ATRNL1: variants seen among roughly 807,000 people sequenced by gnomAD.
ATRNL1 encodes the protein attractin-like protein 1.
ATRNL1 carries 95 observed loss-of-function variants against 182.7 expected under a neutral mutation model. The ratio of observed to expected loss-of-function variants is 0.52; its 90% CI spans 0.44 to 0.62. The LOEUF (loss-of-function observed/expected upper bound fraction) is 0.62. Among genes scored for constraint, ATRNL1 ranks in the 20% least tolerant of loss-of-function variants. The pLI is 0.00. For synonymous variants in ATRNL1, 576 were observed against 568.3 expected, an observed-to-expected ratio of 1.01 and a Z score of -0.19; for missense variants, 1,471 against 1,679.5, an observed-to-expected ratio of 0.88 and a Z score of 2.17.
chr10:115,693,341 G>A (rs551806248), intron 26 of ATRNL1, among the ~76,000 whole-genome samples: 6 of 152,036 alleles, frequency 3.9e-5, no homozygotes, highest in African/African-American at 1.4e-4. Flanking sequence ...TTTCATGTAC[G>A]CAAATATTGG....
At chr10:115,899,130 T>TG in intron 28 of ATRNL1, among the ~76,000 whole-genome samples, 1 of 152,154 alleles carries the variant, frequency 6.6e-6, no homozygotes, top group South Asian at 2.1e-4. Flanking sequence ...CGACAGGCCC[T>TG]GGTGTGTGAT....
intron 13 of ATRNL1, among the ~76,000 whole-genome samples, chr10:115,272,282 C>T (rs72836589): frequency 0.026 from 4,002 of 152,208 alleles, 76 homozygotes; most frequent in Non-Finnish European, 0.04. Flanking sequence ...CTGAAAGACG[C>T]CATAAGGGAT....
At chr10:115,542,143 T>C (rs1554992204) in intron 25 of ATRNL1, among the ~76,000 whole-genome samples, 3 of 152,156 alleles carry the variant, frequency 2.0e-5, no homozygotes, top group African/African-American at 4.8e-5. Context: ...ATTTTCCTTA[T>C]TAGATATTAG....
intron 27 of ATRNL1, among the ~76,000 whole-genome samples, chr10:115,817,870 A>C (rs1290749757): frequency 9.5e-6 from 1 of 104,922 alleles, no homozygotes; most frequent in Non-Finnish European, 1.8e-5. Flanking sequence ...CTTTGATTTT[A>C]CGTTGTGTTT....
intron 24 of ATRNL1, among the ~76,000 whole-genome samples, chr10:115,510,852 C>G (rs964254252): frequency 1.3e-5 from 2 of 151,904 alleles, no homozygotes; most frequent in Non-Finnish European, 1.5e-5. Context: ...GAAATTTAAG[C>G]AAGGGAATTA....
At chr10:115,528,169 T>A (rs1851359413) in intron 25 of ATRNL1, among the ~76,000 whole-genome samples, 1 of 151,898 alleles carries the variant, frequency 6.6e-6, no homozygotes, top group Non-Finnish European at 1.5e-5. Flanking sequence ...GAATTGTTCC[T>A]TCCTTTTCAC....
At chr10:115,180,704 T>G (rs1300865931) in intron 8 of ATRNL1, among the ~76,000 whole-genome samples, 1 of 151,868 alleles carries the variant, frequency 6.6e-6, no homozygotes, top group Non-Finnish European at 1.5e-5. Flanking sequence ...TCAAGACACT[T>G]CAGAAAGTAT....
intron 27 of ATRNL1, among the ~76,000 whole-genome samples, chr10:115,737,077 C>G (rs1019101615): frequency 1.3e-5 from 2 of 152,026 alleles, no homozygotes; most frequent in African/African-American, 4.8e-5. Context: ...GCAGTTTTAT[C>G]TGGTTGCCTT....
At chr10:115,143,983 CTT>C (rs58145958) in intron 5 of ATRNL1, among the ~76,000 whole-genome samples, 54 of 139,436 alleles carry the variant, frequency 3.9e-4, no homozygotes, top group Admixed American at 5.0e-4. Flanking sequence ...TTTTTTGTTT[CTT>C]TTTTTTTTTT....
chr10:115,745,022 G>A (rs1948250046), intron 27 of ATRNL1, among the ~76,000 whole-genome samples: 1 of 152,040 alleles, frequency 6.6e-6, no homozygotes, highest in Non-Finnish European at 1.5e-5. Context: ...GATATACAAT[G>A]TGCTCATCAC....
intron 27 of ATRNL1, among the ~76,000 whole-genome samples, chr10:115,743,607 T>C (rs1948204150): frequency 1.3e-5 from 2 of 152,058 alleles, no homozygotes; most frequent in Admixed American, 1.3e-4. Flanking sequence ...CAAGTAGAAG[T>C]GAAAGGGAAA....
At chr10:115,816,636 ACACG>A (rs1203616576) in intron 27 of ATRNL1, among the ~76,000 whole-genome samples, 2 of 136,654 alleles carry the variant, frequency 1.5e-5, no homozygotes, top group African/African-American at 2.7e-5. Context: ...ACACACACAC[ACACG>A]TGAAGGAAGA....
intron 26 of ATRNL1, among the ~76,000 whole-genome samples, chr10:115,657,793 C>G (rs1175710103): frequency 6.6e-6 from 1 of 152,128 alleles, no homozygotes. Flanking sequence ...TTTAAACACT[C>G]TCCCTTTTCT....
chr10:115,219,086 T>TC (rs1410601327), intron 9 of ATRNL1, among the ~76,000 whole-genome samples: 1 of 151,744 alleles, frequency 6.6e-6, no homozygotes, highest in Non-Finnish European at 1.5e-5. Flanking sequence ...AATACAAAAA[T>TC]TAGCTGGGCA....
At chr10:115,468,072 A>T (rs1554971229) in intron 23 of ATRNL1, among the ~76,000 whole-genome samples, 1 of 150,748 alleles carries the variant, frequency 6.6e-6, no homozygotes, top group African/African-American at 2.4e-5. Context: ...GCTCTTTTGC[A>T]ATTCCCAAAT....
At chr10:115,341,317 G>T (rs1554938279) in intron 19 of ATRNL1, among the ~76,000 whole-genome samples, 2 of 151,824 alleles carry the variant, frequency 1.3e-5, no homozygotes, top group Non-Finnish European at 1.5e-5. Context: ...CCATGTATTT[G>T]TAAATTCCTC....
intron 21 of ATRNL1, among the ~76,000 whole-genome samples, chr10:115,458,834 C>T (rs369073106): frequency 2.6e-5 from 4 of 152,040 alleles, no homozygotes; most frequent in East Asian, 1.9e-4. Context: ...GCTTTTCCTT[C>T]GTGATATTTT....
chr10:115,421,140 C>T (rs633639), intron 20 of ATRNL1, among the ~76,000 whole-genome samples: 57,847 of 151,910 alleles, frequency 0.38, 12,194 homozygotes, highest in African/African-American at 0.57. Flanking sequence ...ATACCAATTA[C>T]TATCAAACTA....
chr10:115,809,341 A>G (rs1199976835), intron 27 of ATRNL1, among the ~76,000 whole-genome samples: 1 of 151,990 alleles, frequency 6.6e-6, no homozygotes, highest in Non-Finnish European at 1.5e-5. Context: ...TTTAGAATCA[A>G]CTTTTTCAAT....
Sources: allele counts gnomAD v4.1 joint callset (sites outside exome capture counted in the v4.1 genomes callset), GRCh38; gene constraint gnomAD v4.1.1; transcripts MANE v1.5; gene names NCBI Gene and HGNC (gene_info 2026-07-23, HGNC 2026-07-21).